The following STK36 variants were observed in gnomAD, a reference collection of about 807,000 sequenced individuals.
The protein encoded by STK36 is serine/threonine-protein kinase 36.
A neutral mutation model predicts 142.2 loss-of-function variants in STK36; 116 were observed. The ratio of observed to expected loss-of-function variants is 0.82; its 90% CI spans 0.70 to 0.95. STK36 has a LOEUF of 0.95. Among genes scored for constraint, STK36 ranks in the 40% least tolerant of loss-of-function variants. The pLI is 0.00. For missense variants in STK36, 1,422 were observed against 1,617.2 expected (o/e 0.88, Z 2.07); for synonymous variants, 619 against 641.7 (o/e 0.96, Z 0.53).
rs751003140 is a variant in STK36 at position 218,692,687 on chromosome 2, G to T, written c.2020G>T (p.Asp674Tyr). 3.7e-6 allele frequency: 6 copies of T among 1,612,986 alleles called. No individual in the cohort carries two copies. The highest frequency in any genetic ancestry group is 5.1e-6 in the Non-Finnish European group (6 of 1,179,798). The change falls in exon 16 of 27, where the codon GAC (aspartate) becomes TAC (tyrosine). Residue 674 changes from aspartate to tyrosine, a missense_variant. Asp to Tyr is a radical substitution (Grantham distance 160, BLOSUM62 -3). Coordinates refer to ENST00000295709, the MANE Select transcript of STK36 (RefSeq NM_015690.5). ...AICTAPVGLP[D>Y]CWDAKEQVCW... ...ATGCACTGCTCCTGTGGGACTGCCC[G>T]ACTGCTGGGATGCCAAGGAGCAGGT...
At chr2:218,698,571 C>T in intron 25 of STK36, 31 bp from the exon 26 acceptor site, 1 of 1,602,480 alleles carries the variant, frequency 6.2e-7, no homozygotes, top group African/African-American at 1.3e-5. Flanking sequence ...CTCTCTCTCT[C>T]CCTGAATCCT....
rs942375023 is a variant in STK36 at position 218,673,193 on chromosome 2, G to T, written c.84+280G>T. ...ATAAGAACAGCAACTGATTGATGGA[G>T]TTTGAGGATTAAATATGTTTTCACA... On this transcript the variant is annotated intron_variant, in intron 2 of 26. Coordinates refer to ENST00000295709, the MANE Select transcript of STK36 (RefSeq NM_015690.5). 19 of 414,520 alleles carry T rather than the reference G, an allele frequency of 4.6e-5. No individual in the cohort carries two copies. The South Asian group carries it at 6.6e-4, about 14-fold the overall frequency. The allele number at this position is 414,520 out of a possible 1,614,324, so 25.7% of individuals were successfully genotyped here.
At position 218,696,554 on chromosome 2, in the gene STK36, G is replaced by A. The variant is rs949585796; in HGVS notation, c.2539G>A (p.Gly847Arg). 6.2e-7 allele frequency: 1 copy of A among 1,614,120 alleles called. No individual in the cohort carries two copies. The highest frequency in any genetic ancestry group is 1.7e-5 in the Admixed American group (1 of 60,012). The stretch of plus-strand genomic sequence containing the variant: ...TCGGTTGACTCCACCAGGTAGTTGT[G>A]GATTCTATGATGGCCTCCTTATCCT... ...EVRLTPPGSC[G>R]FYDGLLILLL... Residue 847 changes from glycine to arginine, a missense_variant, in exon 22 of 27, where the codon GGA becomes AGA. This residue lies in a region of STK36 where 962 missense variants were observed against 1,167.5 expected (regional missense o/e 0.82). Transcript: ENST00000295709.
Position 218,699,070 on chromosome 2 carries a change from G to C in STK36, c.3526G>C (p.Val1176Leu), listed in dbSNP as rs967731827. Residue 1176 changes from valine (V) to leucine (L), a missense_variant, in exon 26 of 27, where the codon GTG becomes CTG. This residue lies in a region of STK36 where 962 missense variants were observed against 1,167.5 expected (regional missense o/e 0.82). Coordinates refer to ENST00000295709, the MANE Select transcript of STK36 (RefSeq NM_015690.5). Reference protein sequence around the residue: ...PVVRCSASFAVGNAAYQAGPL... With the variant: ...PVVRCSASFALGNAAYQAGPL... The stretch of plus-strand genomic sequence containing the variant: ...TGTGCGGTGCAGTGCCAGCTTTGCT[G>C]TGGGCAATGCAGCCTACCAGGCTGG... The C allele has an allele frequency of 6.2e-7, 1 of 1,613,984 alleles. No individual in the cohort carries two copies. The highest frequency in any genetic ancestry group is 1.3e-5 in the African/African-American group (1 of 74,926).
chr2:218,695,939 C>T (rs1941218483), intron 21 of STK36, among the ~76,000 whole-genome samples: 1 of 148,784 alleles, frequency 6.7e-6, no homozygotes, highest in Admixed American at 6.7e-5. Flanking sequence ...TCTCGGCTCA[C>T]TGCAACCTCC....
intron 9 of STK36, among the ~76,000 whole-genome samples, chr2:218,680,346 T>G (rs1940460069): frequency 6.6e-6 from 1 of 152,218 alleles, no homozygotes; most frequent in African/African-American, 2.4e-5. Context: ...AAGGGAAGAT[T>G]GTTTTGAGTT....
intron 11 of STK36, among the ~76,000 whole-genome samples, chr2:218,688,082 CAGGAGGCAGAG>C (rs1276023525): frequency 2.0e-5 from 3 of 152,202 alleles, no homozygotes; most frequent in Non-Finnish European, 4.4e-5. Flanking sequence ...CACTTGAACC[CAGGAGGCAGAG>C]AGGTTGCAGT....
At chr2:218,687,085 CT>C (rs1446777065) in intron 11 of STK36, among the ~76,000 whole-genome samples, 1 of 152,160 alleles carries the variant, frequency 6.6e-6, no homozygotes, top group Non-Finnish European at 1.5e-5. Flanking sequence ...CTCAAATCTT[CT>C]GCTCAGTTTT....
intron 16 of STK36, 29 bp from the exon 17 acceptor site, chr2:218,693,211 G>T: frequency 6.3e-7 from 1 of 1,591,420 alleles, no homozygotes; most frequent in Non-Finnish European, 8.6e-7. Context: ...CATGTGGATA[G>T]GATTGAGCCT....
intron 3 of STK36, 28 bp downstream of exon 3, chr2:218,673,793 C>G: frequency 6.2e-7 from 1 of 1,613,400 alleles, no homozygotes; most frequent in Non-Finnish European, 8.5e-7. Context: ...TGGGCCCTGT[C>G]TCCCCAAGCA....
intron 11 of STK36, 56 bp downstream of exon 11, chr2:218,685,284 A>G (rs1575130734): frequency 8.8e-6 from 14 of 1,599,768 alleles, no homozygotes; most frequent in East Asian, 2.2e-5. Context: ...CAGATGGAGC[A>G]TTGAAATACA....
At position 218,697,076 on chromosome 2, in the gene STK36, C is replaced by G. The variant is rs896794151; in HGVS notation, c.2624C>G (p.Ser875Ter). 1.2e-6 allele frequency: 2 copies of G among 1,614,110 alleles called. No individual in the cohort carries two copies. The change falls in exon 23 of 27, where the codon TCA becomes TGA. Residue 875 changes from serine (S) to a stop codon, truncating the protein, a stop_gained. Coordinates refer to ENST00000295709, the MANE Select transcript of STK36 (RefSeq NM_015690.5). LOFTEE classifies it high-confidence loss of function. The stretch of plus-strand genomic sequence containing the variant: ...AGCCTAATCAGGGATATGTCCAGTT[C>G]AGAAATGTGGACCGTTTTGTGGCAC... ...KASLIRDMSS[S>*]EMWTVLWHRF...
Position 218,672,732 on chromosome 2 carries a change from C to T in STK36, c.-89-9C>T, listed in dbSNP as rs181722381. On this transcript the variant is annotated splice_polypyrimidine_tract_variant and intron_variant, in intron 1 of 26. Transcript: ENST00000295709. ...GGCTAACATTTTTCCTTTCCCGTGC[C>T]CCAACTAGGCGTCCCAGATGTTGTG... 3.2e-5 allele frequency: 39 copies of T among 1,218,872 alleles called. 1 individual carries two copies. In the East Asian group the frequency reaches 8.5e-4, roughly 27 times the overall value. 75.5% of individuals were successfully genotyped at this position (1,218,872 alleles called of 1,614,324 possible). A position where few individuals can be genotyped will look rare whatever the true frequency, so the allele number is the denominator to read the frequency against.
At position 218,694,318 on chromosome 2, in the gene STK36, C is replaced by T; in HGVS notation, c.2391C>T (p.Val797=). ...CTCTCTTTACCCATTCGCATGTCGT[C>T]TCTCTTGTGGTAAGTTTTTAACCTT... ...VATLFTHSHV[V]SLVSAAACLL... is the part of the protein sequence containing the mutation. The change falls in exon 20 of 27, where the codon GTC becomes GTT. Residue 797 remains valine (V), a synonymous_variant. Coordinates refer to ENST00000295709, the MANE Select transcript of STK36 (RefSeq NM_015690.5). This position sits in a 1 kb window ranked among gnomAD's most constrained non-coding sequence, Gnocchi z 4.4. 1 of 1,614,078 alleles carries T rather than the reference C, an allele frequency of 6.2e-7. No individual in the cohort carries two copies. The highest frequency in any genetic ancestry group is 8.5e-7 in the Non-Finnish European group (1 of 1,179,892).
intron 15 of STK36, 49 bp from the exon 16 acceptor site, chr2:218,692,534 A>G: frequency 6.3e-7 from 1 of 1,576,090 alleles, no homozygotes; most frequent in Non-Finnish European, 8.6e-7. Context: ...GCTATTGTCT[A>G]GGGCAAGAGC....
chr2:218,679,044 T>A, intron 6 of STK36, 124 bp from the exon 7 acceptor site: 1 of 873,740 alleles, frequency 1.1e-6, no homozygotes, highest in Non-Finnish European at 1.8e-6. Context: ...TTAGAGGGCA[T>A]GATCAAGAGC....
At chr2:218,679,048 C>A in intron 6 of STK36, 120 bp from the exon 7 acceptor site, 3 of 919,996 alleles carry the variant, frequency 3.3e-6, no homozygotes, top group Non-Finnish European at 5.0e-6. Context: ...AGGGCATGAT[C>A]AAGAGCAGCT....
In STK36 at chr2:218,698,640, G is replaced by T; in HGVS notation, c.3096G>T (p.Leu1032=). Residue 1032 remains leucine, a synonymous_variant, in exon 26 of 27, where the codon CTG becomes CTT. Transcript: ENST00000295709. The stretch of plus-strand genomic sequence containing the variant: ...ATCTTCCGTTGATGCAAGTGGAGCT[G>T]CCCATCAGCCTTCTCACACGCCTGG... The part of the protein sequence containing the change: ...CYHLPLMQVE[L]PISLLTRLAL... The T allele has an allele frequency of 1.2e-6, 2 of 1,614,128 alleles. No homozygotes were observed. The highest frequency in any genetic ancestry group is 1.7e-6 in the Non-Finnish European group (2 of 1,179,998).
rs1458071682 is a variant in STK36 at position 218,699,174 on chromosome 2, C to G, written c.3630C>G (p.Arg1210=). ...LLGDPQAGIR[R]NVASALGNLG... is the part of the protein sequence containing the mutation. ...GAGATCCTCAGGCTGGTATCCGGCG[C>G]AATGTTGCATCAGCTCTGGGCAACT... The change falls in exon 26 of 27, where the codon CGC becomes CGG. Residue 1210 remains arginine, a synonymous_variant. Coordinates refer to ENST00000295709, the MANE Select transcript of STK36 (RefSeq NM_015690.5). 1 of 1,614,070 alleles carries G rather than the reference C, an allele frequency of 6.2e-7. No individual in the cohort carries two copies. The highest frequency in any genetic ancestry group is 8.5e-7 in the Non-Finnish European group (1 of 1,180,022).
Sources: gnomAD v4.1 joint callset for allele counts (sites outside exome capture counted in the v4.1 genomes callset) on GRCh38, gnomAD v4.1.1 for gene constraint, gnomAD v4.1.1 regional missense constraint, Gnocchi (gnomAD v3.1) non-coding constraint, MANE v1.5 for transcripts, NCBI Gene and HGNC (gene_info 2026-07-23, HGNC 2026-07-21) for gene names.